The following CFAP46 variants were observed in gnomAD, a reference collection of about 807,000 sequenced individuals.
CFAP46 encodes the protein cilia and flagella associated protein 46.
In CFAP46, 245 loss-of-function variants were observed where a neutral mutation model predicts 325.7. The observed-to-expected ratio is 0.75, with a 90% CI of 0.68 to 0.84. The LOEUF (loss-of-function observed/expected upper bound fraction) is 0.84, where lower values mean the gene tolerates loss of function less well. Ranked by LOEUF, CFAP46 falls within the 40% of genes least tolerant of loss-of-function variation. The pLI is 0.00. For missense variants in CFAP46, 3,346 were observed against 3,543.0 expected, an observed-to-expected ratio of 0.94 and a Z score of 1.41; for synonymous variants, 1,523 against 1,495.9, an observed-to-expected ratio of 1.02 and a Z score of -0.42.
intron 56 of CFAP46, 177 bp downstream of exon 56, chr10:132,810,773 C>T: frequency 1.3e-6 from 1 of 745,478 alleles, no homozygotes; most frequent in Non-Finnish European, 2.4e-6. Flanking sequence ...GCTGAGCCGC[C>T]CCCCTCCCCA....
intron 22 of CFAP46, among the ~76,000 whole-genome samples, chr10:132,899,993 G>A (rs544902296): frequency 1.3e-5 from 2 of 152,302 alleles, no homozygotes; most frequent in East Asian, 3.9e-4. Context: ...GTGGGAGTGG[G>A]CTATGGGGAC....
chr10:132,831,131 T>C (rs1307953379), intron 50 of CFAP46, among the ~76,000 whole-genome samples: 3 of 152,106 alleles, frequency 2.0e-5, no homozygotes, highest in African/African-American at 7.2e-5. Flanking sequence ...TCCACTGTGG[T>C]CAGAGAACCT....
In CFAP46 at chr10:132,869,285, C is replaced by A; in HGVS notation, c.4599G>T (p.Leu1533=). Reference sequence around the variant, plus strand: ...GGGACGGCACACACCTGGCCTGCTCCAGCTCGCTGACGCACACCTGCCCGA... The same window carrying A: ...GGGACGGCACACACCTGGCCTGCTCAAGCTCGCTGACGCACACCTGCCCGA... ...EAVGQVCVSE[L]EQASCRKEIA... is the part of the protein sequence containing the mutation. The change falls in exon 33 of 58, where the codon CTG becomes CTT. Residue 1533 remains leucine, a synonymous_variant. Coordinates refer to ENST00000368586, the MANE Select transcript of CFAP46 (RefSeq NM_001200049.3). This position sits in a 1 kb window ranked among gnomAD's most constrained non-coding sequence, Gnocchi z 6.2. 6.5e-7 allele frequency: 1 copy of A among 1,536,554 alleles called. No individual in the cohort carries two copies. Among genetic ancestry groups the A allele is most frequent in the Non-Finnish European group, 8.8e-7 (1 of 1,142,418 alleles).
At chr10:132,856,011 C>T (rs1416163765) in intron 39 of CFAP46, among the ~76,000 whole-genome samples, 3 of 152,344 alleles carry the variant, frequency 2.0e-5, no homozygotes, top group Admixed American at 1.3e-4. Context: ...TCCTGCAGGG[C>T]TCAGCCACTG....
rs989714100 is a variant in CFAP46, at chr10:132,919,878, G to C, written c.1730+181C>G. The stretch of plus-strand genomic sequence containing the variant: ...CCGTGGCTGTCATCACAGGCTGGGG[G>C]GTCCCGTCTGTGGCGGGACTCCCAG... On this transcript the variant is annotated intron_variant, in intron 14 of 57. Transcript: ENST00000368586. The surrounding 1 kb of genome is among the most constrained non-coding windows in gnomAD (Gnocchi z 9.7). Among the ~76,000 whole-genome samples, 1 of 152,084 alleles carries C rather than the reference G, an allele frequency of 6.6e-6. No individual in the cohort carries two copies. The highest frequency in any genetic ancestry group is 2.4e-5 in the African/African-American group (1 of 41,434).
intron 44 of CFAP46, among the ~76,000 whole-genome samples, chr10:132,844,918 A>G (rs1361387003): frequency 1.3e-5 from 2 of 152,116 alleles, no homozygotes; most frequent in East Asian, 3.9e-4. Context: ...CACAGGCACT[A>G]TCATGGCTCA....
intron 5 of CFAP46, among the ~76,000 whole-genome samples, 160 bp downstream of exon 5, chr10:132,938,429 G>GC (rs902005415): frequency 2.0e-5 from 3 of 152,150 alleles, no homozygotes; most frequent in African/African-American, 7.2e-5. Flanking sequence ...ACGACCTTCG[G>GC]ACAAGACACA....
At chr10:132,898,780 C>A (rs1022116671) in intron 24 of CFAP46, 179 bp downstream of exon 24, 2 of 802,002 alleles carry the variant, frequency 2.5e-6, no homozygotes, top group Non-Finnish European at 4.2e-6. Context: ...CCAGCAGGGG[C>A]CCCCGCAGTG....
intron 9 of CFAP46, among the ~76,000 whole-genome samples, chr10:132,926,883 T>C (rs150569360): frequency 0.04 from 6,048 of 152,330 alleles, 164 homozygotes; most frequent in South Asian, 0.066. Context: ...CCCCACCACC[T>C]GAGAGCGGCA....
At chr10:132,846,813 C>A (rs117757058) in intron 43 of CFAP46, 119 bp downstream of exon 43, 7 of 1,308,494 alleles carry the variant, frequency 5.3e-6, no homozygotes, top group Non-Finnish European at 7.2e-6. Flanking sequence ...GCTTAAGGAC[C>A]CTGGCCTGCG....
intron 50 of CFAP46, among the ~76,000 whole-genome samples, chr10:132,821,034 CTGA>C (rs1166547435): frequency 2.9e-5 from 3 of 103,014 alleles, no homozygotes; most frequent in African/African-American, 8.2e-5. Context: ...TGTGTGTGTG[CTGA>C]TGTGTGCTGT....
intron 44 of CFAP46, among the ~76,000 whole-genome samples, chr10:132,844,970 C>T (rs1181388799): frequency 1.3e-5 from 2 of 152,200 alleles, no homozygotes; most frequent in Admixed American, 6.5e-5. Flanking sequence ...CCTCCTGCCT[C>T]AGGCTCCTGA....
At chr10:132,916,040 CTGTGAGA>C (rs1849632478) in intron 17 of CFAP46, among the ~76,000 whole-genome samples, 1 of 152,332 alleles carries the variant, frequency 6.6e-6, no homozygotes, top group East Asian at 1.9e-4. Context: ...TCAGCAAATC[CTGTGAGA>C]TGTTCTGTAC....
Position 132,876,813 on chromosome 10 carries a change from G to A in CFAP46, c.4361C>T (p.Pro1454Leu), listed in dbSNP as rs538522121. 8.1e-5 allele frequency: 125 copies of A among 1,548,606 alleles called. No individual in the cohort carries two copies. The highest frequency in any genetic ancestry group is 1.9e-4 in the Middle Eastern group (1 of 5,374). ...AGCCTTTTCTTTATGTCAACGTACC[G>A]GCTTCTGGATACTTGAGGGGTTCAC... ...STVNPSSIQK[P>L]TYSLYFLDHL... Residue 1454 changes from proline to leucine, a missense_variant and splice_region_variant, in exon 31 of 58, where the codon CCG becomes CTG. Transcript: ENST00000368586. The surrounding 1 kb of genome is among the most constrained non-coding windows in gnomAD (Gnocchi z 4.1).
chr10:132,879,366 C>G, intron 29 of CFAP46, 60 bp downstream of exon 29: 1 of 1,427,060 alleles, frequency 7.0e-7, no homozygotes, highest in Non-Finnish European at 9.2e-7. Context: ...GCGGTTTCCC[C>G]AGCCCGCGGC....
intron 7 of CFAP46, among the ~76,000 whole-genome samples, chr10:132,936,509 G>T (rs1161218260): frequency 6.7e-5 from 6 of 89,354 alleles, no homozygotes; most frequent in Admixed American, 3.9e-4. Flanking sequence ...CACTCCCCTC[G>T]GCCCCCAAAT....
At chr10:132,823,347 GTGTGCTGAGTGCTGA>G in intron 50 of CFAP46, among the ~76,000 whole-genome samples, 1 of 122,314 alleles carries the variant, frequency 8.2e-6, no homozygotes, top group East Asian at 2.7e-4. Context: ...TGTGTGCTGT[GTGTGCTGAGTGCTGA>G]TGTGTGCTGT....
At chr10:132,812,101 G>A (rs943795233) in intron 55 of CFAP46, among the ~76,000 whole-genome samples, 3 of 152,222 alleles carry the variant, frequency 2.0e-5, no homozygotes, top group Admixed American at 6.5e-5. Context: ...GCACAAGGCT[G>A]AGCCACGCCT....
At chr10:132,837,615 G>A (rs115102617) in intron 44 of CFAP46, among the ~76,000 whole-genome samples, 1,105 of 74,786 alleles carry the variant, frequency 0.015, 66 homozygotes, top group African/African-American at 0.053. Context: ...ACACGCACAC[G>A]TACACAGACA....
Sources: allele counts gnomAD v4.1 joint callset (sites outside exome capture counted in the v4.1 genomes callset), GRCh38; gene constraint gnomAD v4.1.1; non-coding constraint Gnocchi (gnomAD v3.1); transcripts MANE v1.5; gene names NCBI Gene and HGNC (gene_info 2026-07-23, HGNC 2026-07-21).